Variants in MRTFA observed in about 807,000 individuals in gnomAD.
The protein encoded by MRTFA is myocardin-related transcription factor A.
MRTFA carries 20 observed loss-of-function variants against 83.5 expected under a neutral mutation model. That is an observed-to-expected ratio of 0.24 (90% CI 0.17 to 0.35). The LOEUF (loss-of-function observed/expected upper bound fraction) is 0.35. MRTFA is among the 10% of genes least tolerant of loss of function. MRTFA has a pLI of 1.00. For missense variants in MRTFA, 1,200 were observed against 1,224.7 expected, an observed-to-expected ratio of 0.98 and a Z score of 0.30; for synonymous variants, 659 against 541.2, an observed-to-expected ratio of 1.22 and a Z score of -3.02.
chr22:40,500,336 TTTA>T (rs1446359970), intron 3 of MRTFA, among the ~76,000 whole-genome samples: 3 of 26,950 alleles, frequency 1.1e-4, no homozygotes, highest in East Asian at 3.3e-3. Flanking sequence ...TGTTACAGTT[TTTA>T]TTTTTTTTAT....
chr22:40,501,880 C>T (rs1267480597), intron 3 of MRTFA, among the ~76,000 whole-genome samples: 2 of 62,346 alleles, frequency 3.2e-5, no homozygotes, highest in Non-Finnish European at 6.3e-5. Context: ...CCCTCCCGGA[C>T]GGGGCGGCTG....
intron 3 of MRTFA, among the ~76,000 whole-genome samples, chr22:40,525,891 CGAA>C (rs1331531519): frequency 6.6e-6 from 1 of 151,966 alleles, no homozygotes; most frequent in Non-Finnish European, 1.5e-5. Context: ...TTACATTCTA[CGAA>C]GAGACAGCCA....
intron 4 of MRTFA, among the ~76,000 whole-genome samples, chr22:40,435,801 G>A (rs546471346): frequency 1.3e-5 from 2 of 152,046 alleles, no homozygotes; most frequent in South Asian, 2.1e-4. Context: ...GCGTGGTGGT[G>A]GTGGGCGCCT....
chr22:40,568,279 C>G (rs1428592984), intron 2 of MRTFA, among the ~76,000 whole-genome samples: 1 of 152,240 alleles, frequency 6.6e-6, no homozygotes, highest in Non-Finnish European at 1.5e-5. Flanking sequence ...ATTAATTAAA[C>G]TAATCTACTC....
At chr22:40,475,501 C>T (rs527624578) in intron 3 of MRTFA, among the ~76,000 whole-genome samples, 3 of 151,908 alleles carry the variant, frequency 2.0e-5, no homozygotes. Flanking sequence ...TGTGCCCCTG[C>T]ACTCCAGCCT....
chr22:40,429,524 G>T, intron 7 of MRTFA, 82 bp downstream of exon 7: 1 of 1,530,162 alleles, frequency 6.5e-7, no homozygotes, highest in Non-Finnish European at 9.0e-7. Flanking sequence ...AAGAGCCTCA[G>T]CCCAATTCTG....
intron 1 of MRTFA, among the ~76,000 whole-genome samples, chr22:40,627,635 T>C (rs2147446308): frequency 6.6e-6 from 1 of 152,314 alleles, no homozygotes; most frequent in Admixed American, 6.5e-5. Context: ...AGAGGCAAAG[T>C]TAGGAACTTC....
chr22:40,419,925 C>G (rs1257511488), intron 11 of MRTFA, among the ~76,000 whole-genome samples: 2 of 152,204 alleles, frequency 1.3e-5, no homozygotes, highest in Non-Finnish European at 2.9e-5. Flanking sequence ...GACACTGCAC[C>G]TGAACGGCAG....
At chr22:40,544,236 T>TTG (rs1326121169) in intron 3 of MRTFA, among the ~76,000 whole-genome samples, 2 of 152,164 alleles carry the variant, frequency 1.3e-5, no homozygotes, top group African/African-American at 4.8e-5. Context: ...TCTTTTTGTG[T>TTG]TTTGTTTGTT....
intron 2 of MRTFA, among the ~76,000 whole-genome samples, chr22:40,557,886 G>A (rs955496121): frequency 6.6e-6 from 1 of 151,948 alleles, no homozygotes; most frequent in Admixed American, 6.6e-5. Flanking sequence ...CAATCCTCCT[G>A]CCTCAGCCTC....
At chr22:40,499,087 G>A (rs2054411346) in intron 3 of MRTFA, among the ~76,000 whole-genome samples, 1 of 152,018 alleles carries the variant, frequency 6.6e-6, no homozygotes, top group African/African-American at 2.4e-5. Context: ...GAAAAAAAGG[G>A]AAAGAAAGGT....
intron 2 of MRTFA, among the ~76,000 whole-genome samples, chr22:40,575,439 A>T (rs911650144): frequency 1.4e-4 from 22 of 152,234 alleles, no homozygotes; most frequent in African/African-American, 4.8e-4. Context: ...CTCAGATTAA[A>T]TTTTAAATTA....
chr22:40,595,778 T>C (rs1334403196), intron 1 of MRTFA, among the ~76,000 whole-genome samples: 1 of 147,698 alleles, frequency 6.8e-6, no homozygotes, highest in Non-Finnish European at 1.5e-5. Flanking sequence ...ATAAGTTAGA[T>C]CAGCAAAGAG....
At position 40,631,620 on chromosome 22, in the gene MRTFA, T is replaced by TA. The variant is rs546742731; in HGVS notation, c.-84+4857dup. On this transcript the variant is annotated intron_variant, in intron 1 of 14. Transcript: ENST00000355630. ...CACTAAGTTACTGTTTTCATCAATA[T>TA]AAAAAAAAATGACTCCACCTTCACC... 6.2e-3 allele frequency among the ~76,000 whole-genome samples: 942 copies of TA among 151,318 alleles called. 10 individuals carry two copies. The highest frequency in any genetic ancestry group is 0.022 in the African/African-American group (897 of 41,288).
rs545046187 is a variant in MRTFA at position 40,503,092 on chromosome 22, A to G, written c.242-39806T>C. ...CCCTGCTCTGCTCTATTCTGCTTAA[A>G]GGCCTCCAAGCTGTACTGTGTATCA... On this transcript the variant is annotated intron_variant, in intron 3 of 14. Transcript: ENST00000355630. Among the ~76,000 whole-genome samples, 174 of 152,298 alleles carry G rather than the reference A, an allele frequency of 1.1e-3. 1 individual carries two copies. The highest frequency in any genetic ancestry group is 4.1e-3 in the African/African-American group (169 of 41,564).
At chr22:40,488,092 T>C (rs1165414320) in intron 3 of MRTFA, among the ~76,000 whole-genome samples, 1 of 152,202 alleles carries the variant, frequency 6.6e-6, no homozygotes, top group African/African-American at 2.4e-5. Context: ...CAATCAGAGA[T>C]AGCGTTACAA....
rs985772685 is a variant in MRTFA at position 40,418,269 on chromosome 22, C to T, written c.2364+105G>A. The T allele has an allele frequency of 6.0e-6, 9 of 1,509,886 alleles. No homozygotes were observed. In the South Asian group the frequency reaches 6.7e-5, roughly 11 times the overall value. The allele number at this position is 1,509,886 out of a possible 1,614,324, so 93.5% of individuals were successfully genotyped here. A position where few individuals can be genotyped will look rare whatever the true frequency, so the allele number is the denominator to read the frequency against. Reference sequence around the variant, plus strand: ...GTGAAGGAAGATTAAATGAAGCAAACACAAAATGTCCAGCACGAGGGGTCC... The same window carrying T: ...GTGAAGGAAGATTAAATGAAGCAAATACAAAATGTCCAGCACGAGGGGTCC... On this transcript the variant is annotated intron_variant, in intron 12 of 14. Coordinates refer to ENST00000355630, the MANE Select transcript of MRTFA (RefSeq NM_020831.6).
chr22:40,557,745 T>G lies in MRTFA; in HGVS notation c.-21-5378A>C, dbSNP rs117288198. The stretch of plus-strand genomic sequence containing the variant: ...ATGTTACATATGTTTTTTATCACAA[T>G]TATTTTTAGATGTCTTGGCAAAAAA... On this transcript the variant is annotated intron_variant, in intron 2 of 14. Transcript: ENST00000355630. Among the ~76,000 whole-genome samples, 736 of 152,318 alleles carry G rather than the reference T, an allele frequency of 4.8e-3. 6 individuals are homozygous for G. Among genetic ancestry groups the G allele is most frequent in the Non-Finnish European group, 7.5e-3 (512 of 68,030 alleles).
intron 2 of MRTFA, chr22:40,587,273 C>A: frequency 2.0e-6 from 1 of 489,414 alleles, no homozygotes. Context: ...GCAGAAATGT[C>A]CCACATGCCC....
Sources: allele counts gnomAD v4.1 joint callset (sites outside exome capture counted in the v4.1 genomes callset), GRCh38; gene constraint gnomAD v4.1.1; transcripts MANE v1.5; gene names NCBI Gene and HGNC (gene_info 2026-07-23, HGNC 2026-07-21).